Variants in FOXO1 observed in about 807,000 individuals in gnomAD.
FOXO1 encodes forkhead box protein O1.
A neutral mutation model predicts 44.1 loss-of-function variants in FOXO1; 6 were observed. The observed-to-expected ratio is 0.14, with a 90% CI of 0.07 to 0.27. FOXO1 has a LOEUF of 0.27. Ranked by LOEUF, FOXO1 falls within the 10% of genes least tolerant of loss-of-function variation. The pLI, the probability that FOXO1 is intolerant of heterozygous loss-of-function variation, is 1.00. For synonymous variants in FOXO1, 380 were observed against 362.7 expected (o/e 1.05, Z -0.54); for missense variants, 737 against 888.8 (o/e 0.83, Z 2.17).
chr13:40,577,589 C>T (rs1439332281), intron 1 of FOXO1, among the ~76,000 whole-genome samples: 1 of 152,176 alleles, frequency 6.6e-6, no homozygotes, highest in Admixed American at 6.6e-5. Context: ...GAACACCACA[C>T]CTTAGGTTAT....
intron 1 of FOXO1, among the ~76,000 whole-genome samples, chr13:40,601,488 C>T (rs1235095307): frequency 6.6e-6 from 1 of 152,178 alleles, no homozygotes; most frequent in Non-Finnish European, 1.5e-5. Flanking sequence ...AACAATATGG[C>T]TGACTCTTCC....
chr13:40,633,678 A>G (rs552622416), intron 1 of FOXO1, among the ~76,000 whole-genome samples: 4 of 152,332 alleles, frequency 2.6e-5, no homozygotes, highest in African/African-American at 9.6e-5. Flanking sequence ...AATTGTGGTG[A>G]TAGTTGCCCA....
At chr13:40,604,284 T>C (rs544765548) in intron 1 of FOXO1, among the ~76,000 whole-genome samples, 1 of 152,106 alleles carries the variant, frequency 6.6e-6, no homozygotes, top group Non-Finnish European at 1.5e-5. Flanking sequence ...AAAATCTAGA[T>C]AGTGATACTG....
chr13:40,610,963 A>G (rs1005992519), intron 1 of FOXO1: 6 of 414,250 alleles, frequency 1.4e-5, no homozygotes, highest in Non-Finnish European at 2.9e-5. Flanking sequence ...CCAGGCCTTA[A>G]AAACCACATG....
At chr13:40,638,866 G>GGGGCA (rs1368465429) in intron 1 of FOXO1, among the ~76,000 whole-genome samples, 1 of 152,084 alleles carries the variant, frequency 6.6e-6, no homozygotes, top group African/African-American at 2.4e-5. Flanking sequence ...GGAAGGAAGG[G>GGGGCA]GGGCAGGGCA....
rs573034796 is a variant in FOXO1, at chr13:40,645,804, C to A, written c.630+19779G>T. ...CACCCTCAAAAGTCATGGCACTGGC[C>A]GGGTGCAGTGGCTGACACCTGTAAT... On this transcript the variant is annotated intron_variant, in intron 1 of 2. Transcript: ENST00000379561. Among the ~76,000 whole-genome samples the A allele has an allele frequency of 7.9e-5, 12 of 152,260 alleles. No homozygotes were observed. In the South Asian group the frequency reaches 2.1e-3, roughly 26 times the overall value.
At chr13:40,649,846 T>C (rs1877778081) in intron 1 of FOXO1, among the ~76,000 whole-genome samples, 1 of 152,118 alleles carries the variant, frequency 6.6e-6, no homozygotes, top group Non-Finnish European at 1.5e-5. Context: ...ATTCTTCACC[T>C]CTAGTTCAGA....
intron 1 of FOXO1, among the ~76,000 whole-genome samples, chr13:40,622,470 C>A (rs1876648811): frequency 6.6e-6 from 1 of 152,204 alleles, no homozygotes; most frequent in African/African-American, 2.4e-5. Context: ...CCACCACTAC[C>A]TTCAGGTGAA....
At chr13:40,631,948 T>TA (rs907310796) in intron 1 of FOXO1, among the ~76,000 whole-genome samples, 13 of 152,092 alleles carry the variant, frequency 8.5e-5, no homozygotes, top group African/African-American at 2.7e-4. Flanking sequence ...CCACAAATTT[T>TA]AAAAAAATAG....
intron 1 of FOXO1, among the ~76,000 whole-genome samples, chr13:40,594,383 A>T (rs1435516798): frequency 6.6e-6 from 1 of 152,078 alleles, no homozygotes; most frequent in Admixed American, 6.5e-5. Flanking sequence ...CTGGAATCTA[A>T]CCCCTTCATT....
intron 1 of FOXO1, among the ~76,000 whole-genome samples, chr13:40,564,453 A>G (rs1874181247): frequency 6.6e-6 from 1 of 152,164 alleles, no homozygotes; most frequent in South Asian, 2.1e-4. Context: ...CTTGTTACAT[A>G]AATTCCTGTT....
At chr13:40,665,539 C>G (rs779746669) in intron 1 of FOXO1, 44 bp downstream of exon 1, 1 of 1,343,668 alleles carries the variant, frequency 7.4e-7, no homozygotes, top group Non-Finnish European at 9.7e-7. Flanking sequence ...CCTCGCCTGA[C>G]CCACCGCGCC....
chr13:40,612,501 G>A (rs749474341), intron 1 of FOXO1, among the ~76,000 whole-genome samples: 2 of 152,178 alleles, frequency 1.3e-5, no homozygotes, highest in Non-Finnish European at 2.9e-5. Context: ...ATACACACAC[G>A]TGCGTTCGCA....
chr13:40,660,843 G>A lies in FOXO1; in HGVS notation c.630+4740C>T, dbSNP rs115607807. ...GATAATCCCAACTATTCGGGAGGCTGAGGTGGGAGGATCACTTGAGCCAGG... is the reference window on the plus strand; with the variant it reads ...GATAATCCCAACTATTCGGGAGGCTAAGGTGGGAGGATCACTTGAGCCAGG... On this transcript the variant is annotated intron_variant, in intron 1 of 2. Transcript: ENST00000379561. Among the ~76,000 whole-genome samples, 520 of 152,258 alleles carry A rather than the reference G, an allele frequency of 3.4e-3. 4 individuals carry two copies. Among genetic ancestry groups the A allele is most frequent in the African/African-American group, 0.012 (500 of 41,550 alleles).
intron 1 of FOXO1, chr13:40,611,254 C>T (rs1307526714): frequency 3.2e-6 from 1 of 312,270 alleles, no homozygotes; most frequent in Admixed American, 4.7e-5. Flanking sequence ...TGTCAGAATG[C>T]AATCTTATTT....
At chr13:40,644,345 C>T (rs531192152) in intron 1 of FOXO1, among the ~76,000 whole-genome samples, 1 of 152,154 alleles carries the variant, frequency 6.6e-6, no homozygotes, top group Non-Finnish European at 1.5e-5. Context: ...CCAAGGGGAG[C>T]CAAGTAGGCA....
chr13:40,587,085 G>A (rs939006290), intron 1 of FOXO1, among the ~76,000 whole-genome samples: 2 of 152,080 alleles, frequency 1.3e-5, no homozygotes, highest in African/African-American at 4.8e-5. Flanking sequence ...CAGCACAGAT[G>A]GGTTTCTGCA....
chr13:40,640,758 T>TTG (rs1877321368), intron 1 of FOXO1, among the ~76,000 whole-genome samples: 3 of 140,424 alleles, frequency 2.1e-5, no homozygotes, highest in Non-Finnish European at 4.6e-5. Context: ...TGTTATTTCT[T>TTG]TTGTTGTTGT....
chr13:40,559,864 C>A lies in FOXO1; in HGVS notation c.1627G>T (p.Val543Leu), dbSNP rs1288963657. The A allele has an allele frequency of 6.2e-7, 1 of 1,613,940 alleles. No homozygotes were observed. Among genetic ancestry groups the A allele is most frequent in the African/African-American group, 1.3e-5 (1 of 74,896 alleles). Residue 543 changes from valine (V) to leucine (L), a missense_variant, in exon 2 of 3, where the codon GTA becomes TTA. Physicochemically the swap from Val to Leu is conservative, Grantham distance 32. This residue lies in a region of FOXO1 where 283 missense variants were observed against 278.1 expected (regional missense o/e 1.02). Coordinates refer to ENST00000379561, the MANE Select transcript of FOXO1 (RefSeq NM_002015.4). ...CCCGAGGTGTGGGGCATGGTGCTTA[C>A]CGTGTGGGGCAGGGGACGCCCGTTA... Reference protein sequence around the residue: ...AVNGRPLPHTVSTMPHTSGMN... With the variant: ...AVNGRPLPHTLSTMPHTSGMN...
Sources: allele counts gnomAD v4.1 joint callset (sites outside exome capture counted in the v4.1 genomes callset), GRCh38; gene constraint gnomAD v4.1.1; regional missense constraint gnomAD v4.1.1; transcripts MANE v1.5; gene names NCBI Gene and HGNC (gene_info 2026-07-23, HGNC 2026-07-21).